Variants in CCDC148 observed in about 807,000 individuals in gnomAD.
CCDC148 encodes the protein coiled-coil domain containing 148.
In CCDC148, 89 loss-of-function variants were observed where a neutral mutation model predicts 85.7. The observed-to-expected ratio is 1.04, with a 90% CI of 0.87 to 1.24. CCDC148 has a LOEUF of 1.24. CCDC148 is among the 50% of genes most tolerant of loss of function. The pLI, the probability that CCDC148 is intolerant of heterozygous loss-of-function variation, is 0.00. For missense variants in CCDC148, 692 were observed against 671.7 expected (o/e 1.03, Z -0.33); for synonymous variants, 230 against 213.9 (o/e 1.08, Z -0.66).
At chr2:158,212,296 T>A (rs1021961023) in intron 11 of CCDC148, among the ~76,000 whole-genome samples, 4 of 152,234 alleles carry the variant, frequency 2.6e-5, no homozygotes, top group African/African-American at 9.6e-5. Context: ...ACATGACAAA[T>A]GTTTGTAAAA....
chr2:158,450,879 A>T (rs1173337954), intron 1 of CCDC148, among the ~76,000 whole-genome samples: 4 of 152,100 alleles, frequency 2.6e-5, no homozygotes, highest in African/African-American at 7.2e-5. Context: ...TGCTTCTTCA[A>T]ATATTTTTTC....
At position 158,456,522 on chromosome 2, in the gene CCDC148, G is replaced by C; in HGVS notation, c.-83C>G. ...CCCACTCCTGGGCTCTCGCCGTCAG[G>C]GGTACATCTAAGGGCTCAGCTGTTC... On this transcript the variant is annotated 5_prime_UTR_variant, in exon 1 of 14. Transcript: ENST00000283233. 1 of 1,534,316 alleles carries C rather than the reference G, an allele frequency of 6.5e-7. No individual in the cohort carries two copies. Among genetic ancestry groups the C allele is most frequent in the South Asian group, 1.2e-5 (1 of 82,370 alleles).
At chr2:158,350,012 G>A (rs138677236) in intron 2 of CCDC148, among the ~76,000 whole-genome samples, 1 of 152,182 alleles carries the variant, frequency 6.6e-6, no homozygotes, top group African/African-American at 2.4e-5. Flanking sequence ...TGAATCTCAG[G>A]TACACAGTTA....
chr2:158,387,743 T>G (rs748393931), intron 1 of CCDC148, among the ~76,000 whole-genome samples: 3 of 152,148 alleles, frequency 2.0e-5, no homozygotes, highest in Non-Finnish European at 2.9e-5. Context: ...CTTCTCACTC[T>G]GCTTGGGCAC....
intron 1 of CCDC148, among the ~76,000 whole-genome samples, chr2:158,443,515 A>AAAAAAAAAAAAAAAAAAAGAAAAG (rs1553524474): frequency 9.9e-6 from 1 of 100,894 alleles, no homozygotes. Context: ...AAAAAAAAAA[A>AAAAAAAAAAAAAAAAAAAGAAAAG]AAAAAAAAGA....
At chr2:158,295,732 A>G (rs1478018232) in intron 9 of CCDC148, among the ~76,000 whole-genome samples, 2 of 148,576 alleles carry the variant, frequency 1.3e-5, no homozygotes, top group African/African-American at 5.0e-5. Context: ...TTTCAAAATA[A>G]TAAGAGCTAT....
intron 11 of CCDC148, among the ~76,000 whole-genome samples, chr2:158,205,172 C>A (rs919079923): frequency 1.3e-5 from 2 of 151,986 alleles, no homozygotes; most frequent in Non-Finnish European, 2.9e-5. Flanking sequence ...GGATGGTGGC[C>A]CTATCAGGGT....
At chr2:158,366,684 T>C (rs373714233) in intron 1 of CCDC148, among the ~76,000 whole-genome samples, 7 of 152,192 alleles carry the variant, frequency 4.6e-5, no homozygotes, top group African/African-American at 1.4e-4. Flanking sequence ...ACATAATATT[T>C]GCTCTGGAGC....
At chr2:158,280,477 C>T (rs1416864529) in intron 9 of CCDC148, among the ~76,000 whole-genome samples, 3 of 152,118 alleles carry the variant, frequency 2.0e-5, no homozygotes, top group Admixed American at 2.0e-4. Flanking sequence ...GGTTGCAATC[C>T]TAGTCTCTGA....
chr2:158,432,020 T>C (rs1448825669), intron 1 of CCDC148, among the ~76,000 whole-genome samples: 2 of 152,030 alleles, frequency 1.3e-5, no homozygotes, highest in African/African-American at 4.8e-5. Context: ...AAGTACAGAA[T>C]AAGAAAAATG....
rs748068879 is a variant in CCDC148, at chr2:158,338,827, G to T, written c.663C>A (p.Tyr221Ter). The change falls in exon 7 of 14, where the codon TAC (tyrosine) becomes TAA (stop). Residue 221 changes from tyrosine (Y) to a stop codon, truncating the protein, a stop_gained. Transcript: ENST00000283233. LOFTEE classifies it high-confidence loss of function. ...PIELESLECP[Y>*]PDLKSSILSE... ...TGAGAATTGAAGATTTCAAATCAGG[G>T]TATGGGCATTCCAAACTTTCTAATT... The T allele has an allele frequency of 1.1e-5, 17 of 1,612,576 alleles. No individual in the cohort carries two copies. In the African/African-American group the frequency reaches 2.0e-4, roughly 19 times the overall value.
At chr2:158,439,546 A>G (rs2105341223) in intron 1 of CCDC148, among the ~76,000 whole-genome samples, 1 of 152,276 alleles carries the variant, frequency 6.6e-6, no homozygotes, top group Middle Eastern at 3.4e-3. Context: ...TAATGGGTTC[A>G]GCATACCAAC....
intron 7 of CCDC148, among the ~76,000 whole-genome samples, chr2:158,320,238 CA>C (rs1254988752): frequency 6.6e-6 from 1 of 152,062 alleles, no homozygotes; most frequent in Non-Finnish European, 1.5e-5. Flanking sequence ...TCAAACCAAC[CA>C]TAAGTAATCA....
Position 158,186,652 on chromosome 2 carries a change from T to C in CCDC148, c.1371-7656A>G, listed in dbSNP as rs116730461. Among the ~76,000 whole-genome samples, 785 of 152,204 alleles carry C rather than the reference T, an allele frequency of 5.2e-3. 6 individuals carry two copies. The highest frequency in any genetic ancestry group is 0.017 in the African/African-American group (705 of 41,546). ...TCTGCCTCCCTTTTCAGATACCGTC[T>C]TTTTTTCTTTCATTCCTTTTACTGC... On this transcript the variant is annotated intron_variant, in intron 11 of 13. Transcript: ENST00000283233.
intron 11 of CCDC148, among the ~76,000 whole-genome samples, 183 bp downstream of exon 11, chr2:158,220,412 T>A (rs1358499432): frequency 3.3e-5 from 5 of 152,216 alleles, no homozygotes; most frequent in Non-Finnish European, 7.4e-5. Context: ...AACCAGAGGT[T>A]CATGTATGAC....
At chr2:158,276,103 G>A (rs1052673961) in intron 9 of CCDC148, among the ~76,000 whole-genome samples, 1 of 152,176 alleles carries the variant, frequency 6.6e-6, no homozygotes, top group African/African-American at 2.4e-5. Flanking sequence ...AGTCTTCTCA[G>A]GTCAGGATGA....
At chr2:158,438,835 C>G (rs1687794892) in intron 1 of CCDC148, among the ~76,000 whole-genome samples, 3 of 152,112 alleles carry the variant, frequency 2.0e-5, no homozygotes, top group South Asian at 4.1e-4. Context: ...AGACACTTCT[C>G]AAAAGAAGAC....
intron 10 of CCDC148, among the ~76,000 whole-genome samples, chr2:158,242,935 C>A (rs1688414244): frequency 6.6e-6 from 1 of 152,128 alleles, no homozygotes; most frequent in East Asian, 1.9e-4. Flanking sequence ...TCTTCCACTC[C>A]TCACATAGCT....
intron 9 of CCDC148, among the ~76,000 whole-genome samples, chr2:158,282,296 G>A (rs1164981473): frequency 6.6e-6 from 1 of 152,120 alleles, no homozygotes; most frequent in Non-Finnish European, 1.5e-5. Flanking sequence ...GGCAGAAGAA[G>A]GAAATAAAGG....
Sources: allele counts gnomAD v4.1 joint callset (sites outside exome capture counted in the v4.1 genomes callset), GRCh38; gene constraint gnomAD v4.1.1; transcripts MANE v1.5; gene names NCBI Gene and HGNC (gene_info 2026-07-23, HGNC 2026-07-21).